Variants in MAP3K4 observed in about 807,000 individuals in gnomAD.
MAP3K4 encodes mitogen-activated protein kinase kinase kinase 4, also known as MAP three kinase 1.
Under a neutral mutation model 185.6 loss-of-function variants are expected in MAP3K4, and 67 were observed. The observed-to-expected ratio is 0.36, with a 90% CI of 0.30 to 0.44. The LOEUF (loss-of-function observed/expected upper bound fraction) is 0.44, where lower values mean the gene tolerates loss of function less well. Among genes scored for constraint, MAP3K4 ranks in the 20% least tolerant of loss-of-function variants. The pLI, the probability that MAP3K4 is intolerant of heterozygous loss-of-function variation, is 1.00. For missense variants in MAP3K4, 1,551 were observed against 1,995.1 expected (o/e 0.78, Z 4.24); for synonymous variants, 702 against 710.4 (o/e 0.99, Z 0.19).
At chr6:161,011,255 C>T (rs965042093) in intron 1 of MAP3K4, among the ~76,000 whole-genome samples, 3 of 152,264 alleles carry the variant, frequency 2.0e-5, no homozygotes, top group African/African-American at 7.2e-5. Flanking sequence ...TCCTTTAATG[C>T]AGAGGTTCCT....
In MAP3K4 at chr6:161,043,264, T is replaced by TTTCTTTGCTGCCCTTGTGTCTC. The variant is rs1783570466; in HGVS notation, c.344-5341_344-5320dup. 6.6e-6 allele frequency among the ~76,000 whole-genome samples: 1 copy of TTTCTTTGCTGCCCTTGTGTCTC among 152,214 alleles called. No individual in the cohort carries two copies. The highest frequency in any genetic ancestry group is 1.5e-5 in the Non-Finnish European group (1 of 68,038). On this transcript the variant is annotated intron_variant, in intron 2 of 26. Transcript: ENST00000392142. The surrounding 1 kb of genome is among the most constrained non-coding windows in gnomAD (Gnocchi z 4.3). ...CAGGCTCAGTGTTCAGCCACACTCTTTTCTTTGCTGCCCTTGTGTCTCTTC... is the reference window on the plus strand; with the variant it reads ...CAGGCTCAGTGTTCAGCCACACTCTTTTCTTTGCTGCCCTTGTGTCTCTTCTTTGCTGCCCTTGTGTCTCTTC...
rs1482174211 is a variant in MAP3K4, at chr6:161,008,612, CAA to C, written c.152+16531_152+16532del. On this transcript the variant is annotated intron_variant, in intron 1 of 26. Coordinates refer to ENST00000392142, the MANE Select transcript of MAP3K4 (RefSeq NM_005922.4). This position sits in a 1 kb window ranked among gnomAD's most constrained non-coding sequence, Gnocchi z 4.1. ...TGATATTTATTGTTGTATAATTTAA[CAA>C]AGACATACTTGTGTATATTACATGT... Among the ~76,000 whole-genome samples, 6 of 152,090 alleles carry C rather than the reference CAA, an allele frequency of 3.9e-5. No homozygotes were observed. The highest frequency in any genetic ancestry group is 6.6e-5 in the Admixed American group (1 of 15,266).
intron 1 of MAP3K4, among the ~76,000 whole-genome samples, chr6:161,001,773 G>A (rs980673170): frequency 4.6e-5 from 7 of 152,074 alleles, no homozygotes; most frequent in African/African-American, 1.4e-4. Flanking sequence ...GTCTGTTTCC[G>A]CATTTGAAAG....
intron 18 of MAP3K4, 105 bp downstream of exon 18, chr6:161,102,097 C>CT (rs1777863078): frequency 1.3e-5 from 11 of 856,148 alleles, no homozygotes; most frequent in African/African-American, 6.8e-5. Flanking sequence ...TTGAAGATTC[C>CT]TTTTTTTGGT....
chr6:161,044,212 G>A (rs1056944976), intron 2 of MAP3K4, among the ~76,000 whole-genome samples: 1 of 152,168 alleles, frequency 6.6e-6, no homozygotes. Flanking sequence ...TGGGAGATCA[G>A]GTGTCCCATT....
Position 161,080,630 on chromosome 6 carries a change from G to A in MAP3K4, c.2098-251G>A, listed in dbSNP as rs1379016394. 4 of 424,060 alleles carry A rather than the reference G, an allele frequency of 9.4e-6. No homozygotes were observed. Among genetic ancestry groups the A allele is most frequent in the Non-Finnish European group, 1.7e-5 (4 of 234,246 alleles). 26.3% of individuals were successfully genotyped at this position (424,060 alleles called of 1,614,324 possible). Reference sequence around the variant, plus strand: ...TTTATTGTAGATTGTGAACATTTTTGTTGTTAGGATTTTGAAGGGGTTGTC... The same window carrying A: ...TTTATTGTAGATTGTGAACATTTTTATTGTTAGGATTTTGAAGGGGTTGTC... On this transcript the variant is annotated intron_variant, in intron 5 of 26. Transcript: ENST00000392142. This position sits in a 1 kb window ranked among gnomAD's most constrained non-coding sequence, Gnocchi z 4.8.
intron 1 of MAP3K4, among the ~76,000 whole-genome samples, chr6:160,999,303 GT>G (rs1781159113): frequency 6.6e-6 from 1 of 152,190 alleles, no homozygotes; most frequent in Non-Finnish European, 1.5e-5. Context: ...TAGTGTTTCA[GT>G]GGGGAACTTT....
Position 161,091,297 on chromosome 6 carries a change from A to G in MAP3K4, c.2974-82A>G. On this transcript the variant is annotated intron_variant, in intron 11 of 26. Transcript: ENST00000392142. The surrounding 1 kb of genome is among the most constrained non-coding windows in gnomAD (Gnocchi z 5.5). ...TGTAGTGGTTAATGTCTGTGTGATG[A>G]TGAACGAAATCTTCCTTTAAAATGT... is the stretch of plus-strand genomic sequence containing the variant. The G allele has an allele frequency of 2.5e-6, 3 of 1,195,574 alleles. No homozygotes were observed. The highest frequency in any genetic ancestry group is 5.1e-5 in the East Asian group (2 of 39,498). The allele number at this position is 1,195,574 out of a possible 1,614,324, so 74.1% of individuals were successfully genotyped here.
Position 161,042,908 on chromosome 6 carries a change from G to GCA in MAP3K4, c.344-5675_344-5674dup, listed in dbSNP as rs58595402. Among the ~76,000 whole-genome samples the GCA allele has an allele frequency of 7.4e-3, 1,105 of 149,464 alleles. 7 individuals are homozygous for GCA. The highest frequency in any genetic ancestry group is 0.01 in the Non-Finnish European group (700 of 67,084). On this transcript the variant is annotated intron_variant, in intron 2 of 26. Coordinates refer to ENST00000392142, the MANE Select transcript of MAP3K4 (RefSeq NM_005922.4). ...TATTTTGCAATTTATATGAGAATTT[G>GCA]CACACACACACACACACACACACAC...
Position 161,034,611 on chromosome 6 carries a change from G to A in MAP3K4, c.343+162G>A, listed in dbSNP as rs562541232. On this transcript the variant is annotated intron_variant, in intron 2 of 26. Coordinates refer to ENST00000392142, the MANE Select transcript of MAP3K4 (RefSeq NM_005922.4). The surrounding 1 kb of genome is among the most constrained non-coding windows in gnomAD (Gnocchi z 4.4). ...TATTACCATTAGTATTAATAAAATT[G>A]ACACATAGTTTTCCAGAGATAGAAA... Among the ~76,000 whole-genome samples, 3 of 151,760 alleles carry A rather than the reference G, an allele frequency of 2.0e-5. No homozygotes were observed. The East Asian group carries it at 5.8e-4, about 29-fold the overall frequency.
chr6:161,063,895 G>A lies in MAP3K4; in HGVS notation c.1708-6713G>A, dbSNP rs780383576. Among the ~76,000 whole-genome samples, 1 of 151,998 alleles carries A rather than the reference G, an allele frequency of 6.6e-6. No individual in the cohort carries two copies. The highest frequency in any genetic ancestry group is 1.5e-5 in the Non-Finnish European group (1 of 68,008). On this transcript the variant is annotated intron_variant, in intron 3 of 26. Coordinates refer to ENST00000392142, the MANE Select transcript of MAP3K4 (RefSeq NM_005922.4). The surrounding 1 kb of genome is among the most constrained non-coding windows in gnomAD (Gnocchi z 5.4). ...CTGTTAATTTCCTCTGCTTCCCTCC[G>A]CTAATGCTGATACCACATGGCTCTT...
rs940757796 is a variant in MAP3K4 at position 161,107,578 on chromosome 6, G to A, written c.4049-321G>A. ...TCCCAGCCCCAGCCAAGATCTCCTT[G>A]AGGGGTGTGAGGGCTCAGAGGTGTG... On this transcript the variant is annotated intron_variant, in intron 20 of 26. Coordinates refer to ENST00000392142, the MANE Select transcript of MAP3K4 (RefSeq NM_005922.4). This position sits in a 1 kb window ranked among gnomAD's most constrained non-coding sequence, Gnocchi z 6.2. 2.0e-5 allele frequency among the ~76,000 whole-genome samples: 3 copies of A among 152,152 alleles called. No individual in the cohort carries two copies. The highest frequency in any genetic ancestry group is 1.3e-4 in the Admixed American group (2 of 15,286).
chr6:161,024,351 A>G (rs1782541861), intron 1 of MAP3K4, among the ~76,000 whole-genome samples: 1 of 152,150 alleles, frequency 6.6e-6, no homozygotes, highest in Admixed American at 6.5e-5. Flanking sequence ...TTCCCCTTTT[A>G]TTAAATTTTA....
intron 15 of MAP3K4, among the ~76,000 whole-genome samples, chr6:161,094,383 A>G (rs1777477965): frequency 6.6e-6 from 1 of 152,252 alleles, no homozygotes; most frequent in Admixed American, 6.5e-5. Context: ...ATATTACTTC[A>G]ATTACAATTT....
In MAP3K4 at chr6:161,112,116, G is replaced by A. The variant is rs917495201; in HGVS notation, c.4519+158G>A. Among the ~76,000 whole-genome samples, 8 of 152,308 alleles carry A rather than the reference G, an allele frequency of 5.3e-5. No individual in the cohort carries two copies. The highest frequency in any genetic ancestry group is 1.3e-4 in the Admixed American group (2 of 15,296). ...CTTCCTCACACACTTGGGCTCCCAC[G>A]CAAGAGCAGCTGTCACATTGGTGAA... is the stretch of plus-strand genomic sequence containing the variant. On this transcript the variant is annotated intron_variant, in intron 24 of 26. Coordinates refer to ENST00000392142, the MANE Select transcript of MAP3K4 (RefSeq NM_005922.4). This position sits in a 1 kb window ranked among gnomAD's most constrained non-coding sequence, Gnocchi z 5.1.
chr6:160,993,842 G>A (rs1424507985), intron 1 of MAP3K4, among the ~76,000 whole-genome samples: 1 of 72,606 alleles, frequency 1.4e-5, no homozygotes, highest in Non-Finnish European at 3.0e-5. Context: ...AGCAGTGTAC[G>A]GAACAAGAAG....
chr6:161,069,714 C>T (rs1048704383), intron 3 of MAP3K4, among the ~76,000 whole-genome samples: 10 of 152,126 alleles, frequency 6.6e-5, no homozygotes, highest in Non-Finnish European at 1.0e-4. Context: ...AGTCCTTGCC[C>T]TCAGGAAGTT....
chr6:161,080,544 TA>T lies in MAP3K4; in HGVS notation c.2098-335del, dbSNP rs1785401602. 3.5e-6 allele frequency: 1 copy of T among 281,782 alleles called. No individual in the cohort carries two copies. The highest frequency in any genetic ancestry group is 5.4e-5 in the Admixed American group (1 of 18,588). The allele number at this position is 281,782 out of a possible 1,614,324, so 17.5% of individuals were successfully genotyped here. On this transcript the variant is annotated intron_variant, in intron 5 of 26. Transcript: ENST00000392142. The surrounding 1 kb of genome is among the most constrained non-coding windows in gnomAD (Gnocchi z 4.8). ...TGAAGATCCTAACCTCTTAAAGGAATAATGTTGACAGTACATTCATAATGAA... is the reference window on the plus strand; with the variant it reads ...TGAAGATCCTAACCTCTTAAAGGAATATGTTGACAGTACATTCATAATGAA...
Position 161,073,741 on chromosome 6 carries a change from T to C in MAP3K4, c.2097+129T>C. ...CAGATAAACTTCTCTAGTAATGAATTATAGAAATGATCCCTGAAAGTATAG... is the reference window on the plus strand; with the variant it reads ...CAGATAAACTTCTCTAGTAATGAATCATAGAAATGATCCCTGAAAGTATAG... On this transcript the variant is annotated intron_variant, in intron 5 of 26. Transcript: ENST00000392142. This position sits in a 1 kb window ranked among gnomAD's most constrained non-coding sequence, Gnocchi z 4.2. The C allele has an allele frequency of 3.2e-6, 3 of 927,128 alleles. No homozygotes were observed. The highest frequency in any genetic ancestry group is 4.7e-6 in the Non-Finnish European group (3 of 644,186). 57.4% of individuals were successfully genotyped at this position (927,128 alleles called of 1,614,324 possible). A position where few individuals can be genotyped will look rare whatever the true frequency, so the allele number is the denominator to read the frequency against.
Sources: gnomAD v4.1 joint callset for allele counts (sites outside exome capture counted in the v4.1 genomes callset) on GRCh38, gnomAD v4.1.1 for gene constraint, Gnocchi (gnomAD v3.1) non-coding constraint, MANE v1.5 for transcripts, NCBI Gene and HGNC (gene_info 2026-07-23, HGNC 2026-07-21) for gene names.